The following P4HA1 variants were observed in gnomAD, a reference collection of about 807,000 sequenced individuals.
P4HA1 encodes the protein prolyl 4-hydroxylase subunit alpha 1, also known as prolyl 4-hydroxylase subunit alpha-1.
Under a neutral mutation model 72.8 loss-of-function variants are expected in P4HA1, and 24 were observed. The ratio of observed to expected loss-of-function variants is 0.33; its 90% CI spans 0.24 to 0.46. The LOEUF is 0.46. Among genes scored for constraint, P4HA1 ranks in the 20% least tolerant of loss-of-function variants. The pLI, the probability that P4HA1 is intolerant of heterozygous loss-of-function variation, is 1.00. For synonymous variants in P4HA1, 201 were observed against 218.8 expected, an observed-to-expected ratio of 0.92 and a Z score of 0.72; for missense variants, 446 against 640.6, an observed-to-expected ratio of 0.70 and a Z score of 3.28.
At chr10:73,081,249 G>GA (rs146249903) in intron 1 of P4HA1, among the ~76,000 whole-genome samples, 7,274 of 151,962 alleles carry the variant, frequency 0.048, 546 homozygotes, top group African/African-American at 0.16. Context: ...GGAGGAATAG[G>GA]AGGAAGAAAG....
intron 1 of P4HA1, among the ~76,000 whole-genome samples, chr10:73,096,010 GAGAGAGAC>G (rs1485864543): frequency 1.3e-5 from 2 of 152,226 alleles, no homozygotes; most frequent in African/African-American, 2.4e-5. Flanking sequence ...ATTCTCGGCA[GAGAGAGAC>G]AGAGAGACAG....
intron 10 of P4HA1, among the ~76,000 whole-genome samples, chr10:73,026,912 C>T (rs2133055477): frequency 6.6e-6 from 1 of 152,296 alleles, no homozygotes; most frequent in Admixed American, 6.5e-5. Flanking sequence ...CATCTCATGC[C>T]AGTTAGAATG....
chr10:73,034,431 GAAC>G (rs1279531385), intron 9 of P4HA1, among the ~76,000 whole-genome samples: 3 of 151,972 alleles, frequency 2.0e-5, no homozygotes, highest in Non-Finnish European at 2.9e-5. Flanking sequence ...TGTACCCACT[GAAC>G]AACAACTCCC....
chr10:73,012,193 T>C (rs1372240643), intron 12 of P4HA1, among the ~76,000 whole-genome samples: 3 of 152,066 alleles, frequency 2.0e-5, no homozygotes, highest in South Asian at 2.1e-4. Context: ...CAAAGAAATA[T>C]AAGCAGAACC....
intron 1 of P4HA1, among the ~76,000 whole-genome samples, chr10:73,093,893 TATATATATATATATACACAC>T (rs1281428415): frequency 3.6e-5 from 3 of 83,238 alleles, no homozygotes; most frequent in Non-Finnish European, 6.5e-5. Flanking sequence ...TATATATATA[TATATATATATATATACACAC>T]ACACACACAC....
intron 10 of P4HA1, among the ~76,000 whole-genome samples, chr10:73,023,874 A>G (rs1840197687): frequency 6.6e-6 from 1 of 152,100 alleles, no homozygotes; most frequent in African/African-American, 2.4e-5. Context: ...AAACCAACAC[A>G]GATCAAAAGA....
intron 10 of P4HA1, among the ~76,000 whole-genome samples, chr10:73,021,582 CAT>C (rs1564620212): frequency 1.3e-5 from 2 of 152,296 alleles, no homozygotes; most frequent in African/African-American, 4.8e-5. Context: ...TTCTCACTCA[CAT>C]GTGGGATTTC....
intron 5 of P4HA1, among the ~76,000 whole-genome samples, chr10:73,063,475 C>G (rs192315739): frequency 1.3e-5 from 2 of 152,246 alleles, no homozygotes; most frequent in Non-Finnish European, 2.9e-5. Flanking sequence ...AGTCCAACAA[C>G]AGCAGATGCT....
At chr10:73,087,266 TTA>T (rs1410029210) in intron 1 of P4HA1, among the ~76,000 whole-genome samples, 8 of 147,698 alleles carry the variant, frequency 5.4e-5, no homozygotes, top group African/African-American at 1.5e-4. Flanking sequence ...TTTAATGCCT[TTA>T]TTTTTTTTTT....
At chr10:73,039,285 T>TAA (rs59125564) in intron 9 of P4HA1, among the ~76,000 whole-genome samples, 23 of 144,538 alleles carry the variant, frequency 1.6e-4, no homozygotes, top group Non-Finnish European at 3.2e-4. Flanking sequence ...CCCTGCCTCT[T>TAA]AAAAAAAAAA....
intron 1 of P4HA1, among the ~76,000 whole-genome samples, chr10:73,080,030 T>G (rs2133148655): frequency 6.6e-6 from 1 of 152,296 alleles, no homozygotes; most frequent in Non-Finnish European, 1.5e-5. Context: ...CTCACTTGTC[T>G]AGGATCTATA....
chr10:73,008,502 C>T (rs148585053), intron 14 of P4HA1, among the ~76,000 whole-genome samples: 39 of 152,208 alleles, frequency 2.6e-4, no homozygotes, highest in East Asian at 2.1e-3. Context: ...CACTTGTGTG[C>T]GTGTATGTAC....
intron 1 of P4HA1, among the ~76,000 whole-genome samples, chr10:73,091,546 G>A (rs1332401181): frequency 2.0e-5 from 3 of 152,220 alleles, no homozygotes; most frequent in Non-Finnish European, 4.4e-5. Context: ...AACTGTAAGA[G>A]AAGTCTTGAG....
Position 73,073,026 on chromosome 10 carries a change from C to T in P4HA1, c.173+705G>A, listed in dbSNP as rs377026713. Among the ~76,000 whole-genome samples, 9 of 151,694 alleles carry T rather than the reference C, an allele frequency of 5.9e-5. No homozygotes were observed. In the East Asian group the frequency reaches 5.9e-4, roughly 10 times the overall value. On this transcript the variant is annotated intron_variant, in intron 3 of 14. Transcript: ENST00000394890. The stretch of plus-strand genomic sequence containing the variant: ...CTCTACTAAAAATACAAAAATTACC[C>T]GGGCATGGTGGCGCACACCTGTAAT...
chr10:73,010,034 T>A (rs1206761582), intron 13 of P4HA1, 131 bp from the exon 14 acceptor site: 2 of 558,430 alleles, frequency 3.6e-6, no homozygotes, highest in Non-Finnish European at 6.5e-6. Flanking sequence ...AATGGCACGA[T>A]CTCAGCTCAC....
chr10:73,068,717 C>T (rs977054201), intron 5 of P4HA1, 129 bp downstream of exon 5: 7 of 721,892 alleles, frequency 9.7e-6, no homozygotes, highest in Admixed American at 7.3e-5. Flanking sequence ...CTTTAGTCTT[C>T]GAAGGCTATG....
At chr10:73,017,740 A>T (rs1840043177) in intron 10 of P4HA1, among the ~76,000 whole-genome samples, 1 of 152,194 alleles carries the variant, frequency 6.6e-6, no homozygotes, top group South Asian at 2.1e-4. Flanking sequence ...AGTGTGACGC[A>T]CCAAAATTTA....
intron 10 of P4HA1, among the ~76,000 whole-genome samples, chr10:73,020,024 A>G (rs1186987477): frequency 6.6e-6 from 1 of 152,094 alleles, no homozygotes; most frequent in South Asian, 2.1e-4. Flanking sequence ...GGAAGAGATA[A>G]GGGTATCCAA....
intron 10 of P4HA1, among the ~76,000 whole-genome samples, chr10:73,028,808 G>A (rs905993899): frequency 6.6e-6 from 1 of 151,992 alleles, no homozygotes; most frequent in Non-Finnish European, 1.5e-5. Flanking sequence ...ACTTTGGGAG[G>A]CCAAGGCAGG....
Sources: allele counts gnomAD v4.1 joint callset (sites outside exome capture counted in the v4.1 genomes callset), GRCh38; gene constraint gnomAD v4.1.1; transcripts MANE v1.5; gene names NCBI Gene and HGNC (gene_info 2026-07-23, HGNC 2026-07-21).